The following GRIN2B variants were observed in gnomAD, a reference collection of about 807,000 sequenced individuals.
GRIN2B encodes the protein glutamate receptor ionotropic, NMDA 2B.
GRIN2B carries 5 observed loss-of-function variants against 114.5 expected under a neutral mutation model. The observed-to-expected ratio is 0.04, with a 90% confidence interval of 0.02 to 0.09. GRIN2B has a LOEUF of 0.09. GRIN2B is among the 10% of genes least tolerant of loss of function. The pLI is 1.00. For synonymous variants in GRIN2B, 787 were observed against 745.1 expected (o/e 1.06, Z -0.92); for missense variants, 1,108 against 1,943.5 (o/e 0.57, Z 8.08).
intron 4 of GRIN2B, among the ~76,000 whole-genome samples, chr12:13,732,923 G>A (rs1196507417): frequency 2.0e-5 from 3 of 152,176 alleles, no homozygotes; most frequent in Non-Finnish European, 4.4e-5. Context: ...GCTCATTAAA[G>A]TGCTAAGCAT....
At chr12:13,791,293 TA>T (rs1395581158) in intron 3 of GRIN2B, among the ~76,000 whole-genome samples, 1 of 151,570 alleles carries the variant, frequency 6.6e-6, no homozygotes, top group East Asian at 1.9e-4. Context: ...CTACTAAAAA[TA>T]CAAAAAAATT....
intron 4 of GRIN2B, among the ~76,000 whole-genome samples, chr12:13,709,833 A>C (rs984158468): frequency 3.3e-5 from 5 of 152,068 alleles, no homozygotes; most frequent in Non-Finnish European, 7.4e-5. Flanking sequence ...GTGAGAAAGT[A>C]AAATGATACT....
chr12:13,704,073 G>A (rs11055593), intron 4 of GRIN2B, among the ~76,000 whole-genome samples: 9,128 of 152,268 alleles, frequency 0.06, 388 homozygotes, highest in East Asian at 0.17. Flanking sequence ...ATTAGTCAGA[G>A]ATTTATCAGA....
rs548564013 is a variant in GRIN2B, at chr12:13,672,656, T to A, written c.1125+3089A>T. On this transcript the variant is annotated intron_variant, in intron 5 of 13. Transcript: ENST00000609686. ...GAGCTACATGGCTCTATGACCTCAA[T>A]GAACACTAGACATCTATCTTCCAAA... Among the ~76,000 whole-genome samples the A allele has an allele frequency of 1.3e-4, 20 of 152,276 alleles. No individual in the cohort carries two copies. In the South Asian group the frequency reaches 3.9e-3, roughly 30 times the overall value.
chr12:13,856,117 G>A (rs547284884), intron 3 of GRIN2B, among the ~76,000 whole-genome samples: 5 of 152,246 alleles, frequency 3.3e-5, no homozygotes, highest in Admixed American at 1.3e-4. Flanking sequence ...CAGAAGAAAC[G>A]CCATGAATTC....
chr12:13,584,916 C>T (rs1948899170), intron 10 of GRIN2B, among the ~76,000 whole-genome samples: 1 of 152,172 alleles, frequency 6.6e-6, no homozygotes, highest in African/African-American at 2.4e-5. Context: ...TTATTACTGT[C>T]CACTGCACTC....
Position 13,829,899 on chromosome 12 carries a change from C to G in GRIN2B, c.411+35899G>C, listed in dbSNP as rs181015842. ...CTCAAAGAGTCTTCTCCTTCTTCTTCCCAACATGTTGTGAGAAGGTAAAGG... is the reference window on the plus strand; with the variant it reads ...CTCAAAGAGTCTTCTCCTTCTTCTTGCCAACATGTTGTGAGAAGGTAAAGG... On this transcript the variant is annotated intron_variant, in intron 3 of 13. Coordinates refer to ENST00000609686, the MANE Select transcript of GRIN2B (RefSeq NM_000834.5). Among the ~76,000 whole-genome samples the G allele has an allele frequency of 2.6e-4, 39 of 152,246 alleles. 2 individuals are homozygous for G. Among genetic ancestry groups the G allele is most frequent in the Admixed American group, 1.8e-3 (28 of 15,296 alleles).
In GRIN2B at chr12:13,540,960, G is replaced by A. The variant is rs997957990; in HGVS notation, c.*21823C>T. ...AGGGGTGCAGCTGTGAATTTGCAACGCAACCCCATAGTGGATGCATATCAT... is the reference window on the plus strand; with the variant it reads ...AGGGGTGCAGCTGTGAATTTGCAACACAACCCCATAGTGGATGCATATCAT... On this transcript the variant is annotated 3_prime_UTR_variant, in exon 14 of 14. Transcript: ENST00000609686. 2 of 152,200 alleles carry A rather than the reference G, an allele frequency of 1.3e-5. No individual in the cohort carries two copies. The highest frequency in any genetic ancestry group is 6.5e-5 in the Admixed American group (1 of 15,282). The allele number at this position is 152,200 out of a possible 1,614,324, so 9.4% of individuals were successfully genotyped here.
At chr12:13,962,089 T>TACACAC (rs143658576) in intron 2 of GRIN2B, among the ~76,000 whole-genome samples, 12,875 of 145,216 alleles carry the variant, frequency 0.089, 635 homozygotes, top group East Asian at 0.14. Flanking sequence ...CTCTCATACA[T>TACACAC]ACACACACAC....
At chr12:13,742,965 T>A (rs542418476) in intron 4 of GRIN2B, among the ~76,000 whole-genome samples, 1 of 152,182 alleles carries the variant, frequency 6.6e-6, no homozygotes. Flanking sequence ...ATCTTAGGCA[T>A]GGGGATGAAG....
rs936907630 is a variant in GRIN2B at position 13,554,893 on chromosome 12, A to C, written c.*7890T>G. ...GGTGATACCATTAAGCAAAAGGAGG[A>C]AGTTGGTGATTATGTTGGTTTGCAG... On this transcript the variant is annotated 3_prime_UTR_variant, in exon 14 of 14. Coordinates refer to ENST00000609686, the MANE Select transcript of GRIN2B (RefSeq NM_000834.5). 7.9e-5 allele frequency: 12 copies of C among 152,000 alleles called. No individual in the cohort carries two copies. The highest frequency in any genetic ancestry group is 2.9e-4 in the African/African-American group (12 of 41,366). The allele number at this position is 152,000 out of a possible 1,614,324, so 9.4% of individuals were successfully genotyped here. A position where few individuals can be genotyped will look rare whatever the true frequency, so the allele number is the denominator to read the frequency against.
At chr12:13,800,401 G>C (rs1027503909) in intron 3 of GRIN2B, among the ~76,000 whole-genome samples, 4 of 152,100 alleles carry the variant, frequency 2.6e-5, no homozygotes, top group African/African-American at 9.7e-5. Flanking sequence ...GACAGTGTTT[G>C]TTAAACTTAG....
At chr12:13,928,634 G>T (rs1203160537) in intron 2 of GRIN2B, among the ~76,000 whole-genome samples, 1 of 152,210 alleles carries the variant, frequency 6.6e-6, no homozygotes. Context: ...ATGTTCAAAA[G>T]AAAGTGATCC....
chr12:13,954,437 G>C (rs1220546605), intron 2 of GRIN2B, among the ~76,000 whole-genome samples: 2 of 152,154 alleles, frequency 1.3e-5, no homozygotes, highest in African/African-American at 2.4e-5. Context: ...CTCAGCTTTA[G>C]ATAAAAGCAA....
chr12:13,617,134 A>G (rs948504988), intron 5 of GRIN2B, among the ~76,000 whole-genome samples: 1 of 152,254 alleles, frequency 6.6e-6, no homozygotes, highest in African/African-American at 2.4e-5. Context: ...CAACAGAACA[A>G]TGGGAGCAAA....
At chr12:13,877,121 A>G (rs1866001700) in intron 2 of GRIN2B, among the ~76,000 whole-genome samples, 1 of 152,146 alleles carries the variant, frequency 6.6e-6, no homozygotes, top group South Asian at 2.1e-4. Flanking sequence ...GTGTAAATCA[A>G]TGTTTATATG....
At chr12:13,919,106 C>T (rs1370519822) in intron 2 of GRIN2B, among the ~76,000 whole-genome samples, 1 of 152,212 alleles carries the variant, frequency 6.6e-6, no homozygotes, top group Admixed American at 6.5e-5. Context: ...ATTCCAAAAG[C>T]TCTACATTTA....
chr12:13,855,225 A>T (rs1865639998), intron 3 of GRIN2B, among the ~76,000 whole-genome samples: 1 of 150,980 alleles, frequency 6.6e-6, no homozygotes, highest in Admixed American at 6.6e-5. Flanking sequence ...TGAAAGAAAG[A>T]AAAGAGACAA....
intron 4 of GRIN2B, among the ~76,000 whole-genome samples, chr12:13,680,606 A>C (rs962090684): frequency 2.0e-5 from 3 of 152,152 alleles, no homozygotes; most frequent in African/African-American, 7.2e-5. Context: ...GAGAGAACTT[A>C]GAAATTATCC....
Sources: allele counts gnomAD v4.1 joint callset (sites outside exome capture counted in the v4.1 genomes callset), GRCh38; gene constraint gnomAD v4.1.1; transcripts MANE v1.5; gene names NCBI Gene and HGNC (gene_info 2026-07-23, HGNC 2026-07-21).